EVI5: variants seen among roughly 807,000 people sequenced by gnomAD.
The protein encoded by EVI5 is ecotropic viral integration site 5, also known as ecotropic viral integration site 5 protein homolog.
In EVI5, 73 loss-of-function variants were observed where a neutral mutation model predicts 112.0. That is an observed-to-expected ratio of 0.65 (90% CI 0.54 to 0.79). The LOEUF (loss-of-function observed/expected upper bound fraction) is 0.79. Ranked by LOEUF, EVI5 falls within the 30% of genes least tolerant of loss-of-function variation. EVI5 has a pLI of 0.00. For synonymous variants in EVI5, 305 were observed against 319.9 expected, an observed-to-expected ratio of 0.95 and a Z score of 0.50; for missense variants, 900 against 968.8, an observed-to-expected ratio of 0.93 and a Z score of 0.94.
intron 16 of EVI5, among the ~76,000 whole-genome samples, chr1:92,617,205 T>G (rs1653390834): frequency 6.6e-6 from 1 of 152,220 alleles, no homozygotes; most frequent in African/African-American, 2.4e-5. Flanking sequence ...ATCTTCCCAG[T>G]GGGCAGAACT....
chr1:92,695,092 T>C (rs1350076979), intron 7 of EVI5, among the ~76,000 whole-genome samples: 2 of 152,246 alleles, frequency 1.3e-5, no homozygotes, highest in Non-Finnish European at 2.9e-5. Flanking sequence ...CTACTTAACC[T>C]TTCTCTAAGT....
At chr1:92,693,120 G>C (rs1470776771) in intron 9 of EVI5, among the ~76,000 whole-genome samples, 1 of 152,148 alleles carries the variant, frequency 6.6e-6, no homozygotes, top group Non-Finnish European at 1.5e-5. Flanking sequence ...AGGAGGCTGA[G>C]GTGGGAGGAT....
intron 19 of EVI5, among the ~76,000 whole-genome samples, chr1:92,558,152 T>C (rs1277339185): frequency 1.3e-5 from 2 of 152,194 alleles, no homozygotes; most frequent in Non-Finnish European, 2.9e-5. Context: ...TGTGTCTTCA[T>C]ACTCTCCAGT....
intron 1 of EVI5, among the ~76,000 whole-genome samples, chr1:92,791,015 G>T (rs543673537): frequency 1.3e-5 from 2 of 152,120 alleles, no homozygotes; most frequent in African/African-American, 2.4e-5. Context: ...GAAAGAACAA[G>T]CTCTCTGGAT....
At chr1:92,628,323 C>T (rs1656143168) in intron 14 of EVI5, among the ~76,000 whole-genome samples, 1 of 152,214 alleles carries the variant, frequency 6.6e-6, no homozygotes, top group Admixed American at 6.5e-5. Flanking sequence ...AAAAGCTCCT[C>T]AGTTTAATTA....
intron 19 of EVI5, among the ~76,000 whole-genome samples, chr1:92,528,843 T>C (rs185283184): frequency 1.8e-4 from 27 of 152,360 alleles, no homozygotes; most frequent in Middle Eastern, 3.4e-3. Flanking sequence ...GTTCCAGTTC[T>C]TCACCTGAGT....
chr1:92,753,278 C>G (rs1186993239), intron 1 of EVI5, among the ~76,000 whole-genome samples: 1 of 152,106 alleles, frequency 6.6e-6, no homozygotes. Flanking sequence ...TCACTTGAGC[C>G]CAGGAGTTCA....
intron 1 of EVI5, among the ~76,000 whole-genome samples, chr1:92,780,272 C>T (rs1684694399): frequency 3.3e-5 from 5 of 152,230 alleles, no homozygotes. Context: ...AAGTCAATTA[C>T]ACCTCTTTTC....
chr1:92,784,845 G>T lies in EVI5; in HGVS notation c.-91C>A, dbSNP rs1278059249. On this transcript the variant is annotated 5_prime_UTR_variant, in exon 1 of 20. Coordinates refer to ENST00000684568, the MANE Select transcript of EVI5 (RefSeq NM_001350197.2). The stretch of plus-strand genomic sequence containing the variant: ...GCGCAGCGCCCCTCACCTTGGAAAC[G>T]TTGAGTAGACTTCGCCGTAAACATT... 37 of 985,638 alleles carry T rather than the reference G, an allele frequency of 3.8e-5. No homozygotes were observed. The highest frequency in any genetic ancestry group is 4.5e-5 in the Non-Finnish European group (37 of 830,396). The allele number at this position is 985,638 out of a possible 1,614,324, so 61.1% of individuals were successfully genotyped here. A position where few individuals can be genotyped will look rare whatever the true frequency, so the allele number is the denominator to read the frequency against.
chr1:92,699,926 T>C (rs1367266777), intron 5 of EVI5, among the ~76,000 whole-genome samples: 2 of 152,284 alleles, frequency 1.3e-5, no homozygotes, highest in South Asian at 2.1e-4. Flanking sequence ...TCATTCCCTC[T>C]CCTCTTTGCA....
At chr1:92,586,478 A>C (rs570263760) in intron 18 of EVI5, among the ~76,000 whole-genome samples, 1 of 152,010 alleles carries the variant, frequency 6.6e-6, no homozygotes, top group Admixed American at 6.5e-5. Context: ...TGTGTATTTC[A>C]AGTATGTAAT....
chr1:92,709,957 T>C (rs1174180117), intron 2 of EVI5, among the ~76,000 whole-genome samples: 1 of 151,752 alleles, frequency 6.6e-6, no homozygotes, highest in African/African-American at 2.4e-5. Context: ...GCTTGGCAGC[T>C]GGGAAAATGG....
intron 5 of EVI5, among the ~76,000 whole-genome samples, chr1:92,701,706 C>T (rs1671177986): frequency 6.6e-6 from 1 of 151,880 alleles, no homozygotes; most frequent in Admixed American, 6.6e-5. Context: ...TTAGGGCATG[C>T]AGTGAGGTAT....
chr1:92,708,895 T>C (rs930988847), intron 2 of EVI5, among the ~76,000 whole-genome samples: 2 of 152,116 alleles, frequency 1.3e-5, no homozygotes, highest in African/African-American at 4.8e-5. Flanking sequence ...TTATATGAAA[T>C]ATCTAGAAGA....
At chr1:92,634,547 T>C (rs1658300080) in intron 14 of EVI5, among the ~76,000 whole-genome samples, 1 of 152,212 alleles carries the variant, frequency 6.6e-6, no homozygotes, top group Non-Finnish European at 1.5e-5. Context: ...TTTAAGGACT[T>C]CTCTGCATTG....
At chr1:92,685,608 T>C (rs927618721) in intron 9 of EVI5, among the ~76,000 whole-genome samples, 1 of 152,024 alleles carries the variant, frequency 6.6e-6, no homozygotes, top group Non-Finnish European at 1.5e-5. Flanking sequence ...ATCAATGAAT[T>C]CAGGAGCTGG....
chr1:92,792,371 A>C (rs1686161845), exon 1 of EVI5: 2 of 1,610,954 alleles, frequency 1.2e-6, no homozygotes, highest in South Asian at 2.2e-5. Context: ...TTCTAAAGGC[A>C]GCAGTCATTT....
In EVI5 at chr1:92,666,333, C is replaced by A. The variant is rs866835872; in HGVS notation, c.1159-341G>T. 2.6e-5 allele frequency among the ~76,000 whole-genome samples: 4 copies of A among 151,762 alleles called. No homozygotes were observed. In the Middle Eastern group the frequency reaches 0.01, roughly 387 times the overall value. ...CAGGAATGGTGGTGATGAGCCTGGG[C>A]AACAGGGTGAAACCTTGTCTCTATG... On this transcript the variant is annotated intron_variant, in intron 10 of 19. Coordinates refer to ENST00000684568, the MANE Select transcript of EVI5 (RefSeq NM_001350197.2).
rs1886684 is a variant in EVI5, at chr1:92,510,381, T to C, written c.*3275A>G. On this transcript the variant is annotated 3_prime_UTR_variant, in exon 20 of 20. Transcript: ENST00000684568. ...TTCTCCTTCTCCAAAGATACAGATA[T>C]CTTTCTACAGTTTTCTATGGAATAA... 0.64 allele frequency: 96,989 copies of C among 152,030 alleles called. 31,437 individuals are homozygous for C. Among genetic ancestry groups the C allele is most frequent in the East Asian group, 0.92 (4,770 of 5,178 alleles). 9.4% of individuals were successfully genotyped at this position (152,030 alleles called of 1,614,324 possible).
Sources: gnomAD v4.1 joint callset for allele counts (sites outside exome capture counted in the v4.1 genomes callset) on GRCh38, gnomAD v4.1.1 for gene constraint, MANE v1.5 for transcripts, NCBI Gene and HGNC (gene_info 2026-07-23, HGNC 2026-07-21) for gene names.